REV1: variants seen among roughly 807,000 people sequenced by gnomAD.
REV1 encodes the protein translesion synthesis protein REV1.
A neutral mutation model predicts 137.4 loss-of-function variants in REV1; 42 were observed. That is an observed-to-expected ratio of 0.31 (90% CI 0.24 to 0.40). REV1 has a LOEUF of 0.40. Ranked by LOEUF, REV1 falls within the 10% of genes least tolerant of loss-of-function variation. The pLI, the probability that REV1 is intolerant of heterozygous loss-of-function variation, is 1.00. For synonymous variants in REV1, 524 were observed against 519.2 expected (o/e 1.01, Z -0.12); for missense variants, 1,282 against 1,490.1 (o/e 0.86, Z 2.30).
At chr2:99,476,418 T>C (rs1180776836) in intron 1 of REV1, among the ~76,000 whole-genome samples, 1 of 152,058 alleles carries the variant, frequency 6.6e-6, no homozygotes, top group Non-Finnish European at 1.5e-5. Context: ...TAGCCGGGCA[T>C]GGTGGCACAC....
chr2:99,479,387 C>A (rs1319478838), intron 1 of REV1, among the ~76,000 whole-genome samples: 1 of 151,810 alleles, frequency 6.6e-6, no homozygotes, highest in Non-Finnish European at 1.5e-5. Flanking sequence ...TCCTGCCCCC[C>A]ACTTCCCCTT....
chr2:99,485,824 T>C (rs1468586304), intron 1 of REV1, among the ~76,000 whole-genome samples: 1 of 152,202 alleles, frequency 6.6e-6, no homozygotes, highest in Admixed American at 6.5e-5. Context: ...AAGTAATAAA[T>C]ATAAAATTTA....
At chr2:99,450,733 C>T (rs971431597) in intron 3 of REV1, among the ~76,000 whole-genome samples, 2 of 152,020 alleles carry the variant, frequency 1.3e-5, no homozygotes, top group African/African-American at 4.8e-5. Flanking sequence ...CCCAATATAT[C>T]CAAAATATTA....
intron 1 of REV1, among the ~76,000 whole-genome samples, chr2:99,487,783 G>A (rs1206613023): frequency 1.7e-5 from 2 of 117,880 alleles, no homozygotes; most frequent in Non-Finnish European, 3.7e-5. Context: ...ATTTGGAGAC[G>A]AGAGGTACCT....
intron 9 of REV1, 92 bp downstream of exon 9, chr2:99,429,748 A>T: frequency 1.3e-6 from 1 of 748,524 alleles, no homozygotes; most frequent in Non-Finnish European, 2.0e-6. Context: ...GTAACATTTA[A>T]ATCCACTTCA....
intron 8 of REV1, among the ~76,000 whole-genome samples, chr2:99,432,229 T>C (rs1180573809): frequency 1.3e-5 from 2 of 152,192 alleles, no homozygotes; most frequent in Admixed American, 6.5e-5. Flanking sequence ...AAAGAGTTTT[T>C]GGATACGACA....
At chr2:99,427,241 T>A (rs1329405671) in intron 9 of REV1, among the ~76,000 whole-genome samples, 1 of 152,006 alleles carries the variant, frequency 6.6e-6, no homozygotes, top group East Asian at 1.9e-4. Flanking sequence ...CTAAAATACA[T>A]CCATAAAGTA....
chr2:99,476,898 T>C (rs1326947004), intron 1 of REV1, among the ~76,000 whole-genome samples: 1 of 152,234 alleles, frequency 6.6e-6, no homozygotes, highest in Non-Finnish European at 1.5e-5. Context: ...TGGACTCTTC[T>C]GTGTGCCCCA....
chr2:99,483,012 C>T (rs1481427891), intron 1 of REV1, among the ~76,000 whole-genome samples: 1 of 131,700 alleles, frequency 7.6e-6, no homozygotes, highest in African/African-American at 3.0e-5. Context: ...GGCAAAACTC[C>T]GTTTCAAAAA....
intron 3 of REV1, among the ~76,000 whole-genome samples, chr2:99,461,955 T>G (rs1412043200): frequency 1.3e-5 from 2 of 152,114 alleles, no homozygotes; most frequent in African/African-American, 4.8e-5. Context: ...GCACAGCTGG[T>G]GGGGAGGAGG....
At chr2:99,468,104 C>T (rs913825980) in intron 1 of REV1, among the ~76,000 whole-genome samples, 3 of 151,694 alleles carry the variant, frequency 2.0e-5, no homozygotes, top group Non-Finnish European at 4.4e-5. Flanking sequence ...CGCTTGAACC[C>T]GGGAGGCGGA....
Position 99,400,726 on chromosome 2 carries a change from AT to A in REV1, c.*514del, listed in dbSNP as rs1379461321. On this transcript the variant is annotated 3_prime_UTR_variant, in exon 23 of 23. Coordinates refer to ENST00000258428, the MANE Select transcript of REV1 (RefSeq NM_016316.4). ...TCTCCGCATGGAAGAAGTAGTAAAG[AT>A]TTTCTTAACATGCTCCTGTGTTCAT... 1 of 152,310 alleles carries A rather than the reference AT, an allele frequency of 6.6e-6. No individual in the cohort carries two copies. Among genetic ancestry groups the A allele is most frequent in the East Asian group, 1.9e-4 (1 of 5,198 alleles). 9.4% of individuals were successfully genotyped at this position (152,310 alleles called of 1,614,324 possible). A position where few individuals can be genotyped will look rare whatever the true frequency, so the allele number is the denominator to read the frequency against.
At chr2:99,416,912 C>CAAAAAAAAAAAAAAAAAAA (rs755184253) in intron 12 of REV1, among the ~76,000 whole-genome samples, 1 of 77,854 alleles carries the variant, frequency 1.3e-5, no homozygotes, top group Non-Finnish European at 2.3e-5. Flanking sequence ...GACTCCATCT[C>CAAAAAAAAAAAAAAAAAAA]AAAAAAAAAA....
chr2:99,423,958 A>G (rs929619772), intron 10 of REV1, among the ~76,000 whole-genome samples, 194 bp downstream of exon 10: 4 of 152,330 alleles, frequency 2.6e-5, no homozygotes, highest in Admixed American at 2.6e-4. Context: ...GCAATACAAA[A>G]CTATCCTTTG....
chr2:99,462,115 A>T (rs1328739461), intron 3 of REV1, among the ~76,000 whole-genome samples: 3 of 152,162 alleles, frequency 2.0e-5, no homozygotes, highest in Non-Finnish European at 2.9e-5. Context: ...TTCTCTAGGA[A>T]ATCTGACACT....
At chr2:99,415,018 G>A (rs1677658776) in intron 12 of REV1, among the ~76,000 whole-genome samples, 1 of 152,194 alleles carries the variant, frequency 6.6e-6, no homozygotes, top group Non-Finnish European at 1.5e-5. Context: ...AAGAAGCACA[G>A]TTCTTCTCCA....
At chr2:99,480,691 ACT>A (rs1314104354) in intron 1 of REV1, among the ~76,000 whole-genome samples, 1 of 151,942 alleles carries the variant, frequency 6.6e-6, no homozygotes. Context: ...ATATAGTCAA[ACT>A]CTTTTTTTCT....
intron 3 of REV1, among the ~76,000 whole-genome samples, chr2:99,459,025 G>C (rs374888832): frequency 3.9e-5 from 6 of 151,990 alleles, no homozygotes. Flanking sequence ...TGGCTAACAC[G>C]GTGAAACCCC....
intron 8 of REV1, among the ~76,000 whole-genome samples, chr2:99,433,022 T>C (rs2104751246): frequency 6.6e-6 from 1 of 152,344 alleles, no homozygotes; most frequent in South Asian, 2.1e-4. Context: ...CTGAAGATGC[T>C]ACTGCAAGTA....
Sources: allele counts gnomAD v4.1 joint callset (sites outside exome capture counted in the v4.1 genomes callset), GRCh38; gene constraint gnomAD v4.1.1; transcripts MANE v1.5; gene names NCBI Gene and HGNC (gene_info 2026-07-23, HGNC 2026-07-21).